ZNG1A: variants seen among roughly 807,000 people sequenced by gnomAD.
ZNG1A encodes the protein Zn regulated GTPase metalloprotein activator 1A, also known as zinc-regulated GTPase metalloprotein activator 1A.
chr9:157,701 A>G, the ZNG1A span, among the ~76,000 whole-genome samples: 1 of 149,218 alleles, frequency 6.7e-6, no homozygotes, highest in East Asian at 1.9e-4. Context: ...ACATAATTTT[A>G]AAGTCTTTGT....
the ZNG1A span, among the ~76,000 whole-genome samples, chr9:145,701 T>A: frequency 1.3e-5 from 2 of 150,244 alleles, no homozygotes; most frequent in East Asian, 3.9e-4. Context: ...AGTATAATAA[T>A]AAATAAATAA....
chr9:155,453 T>C, the ZNG1A span, among the ~76,000 whole-genome samples: 1 of 152,094 alleles, frequency 6.6e-6, no homozygotes, highest in Non-Finnish European at 1.5e-5. Flanking sequence ...TCAGAAGATA[T>C]ATCAGGATAT....
chr9:150,055 C>G, the ZNG1A span: 1 of 140,626 alleles, frequency 7.1e-6, no homozygotes, highest in African/African-American at 2.6e-5. Context: ...AAATTTTAAA[C>G]AAAAAATAAA....
the ZNG1A span, among the ~76,000 whole-genome samples, chr9:130,379 T>C: frequency 3.9e-3 from 523 of 133,642 alleles, 6 homozygotes; most frequent in Non-Finnish European, 5.6e-3. Flanking sequence ...TGGAAAACTA[T>C]ATTGAGAATG....
At chr9:158,858 A>T in the ZNG1A span, among the ~76,000 whole-genome samples, 1 of 152,108 alleles carries the variant, frequency 6.6e-6, no homozygotes, top group African/African-American at 2.4e-5. Flanking sequence ...ATAAGTGCAT[A>T]TTAACATTTA....
chr9:143,494 A>G, the ZNG1A span, among the ~76,000 whole-genome samples: 2 of 110,532 alleles, frequency 1.8e-5, 1 homozygote, highest in Non-Finnish European at 3.5e-5. Flanking sequence ...AAATTCAACA[A>G]CCCTTCATGC....
chr9:141,761 G>A, the ZNG1A span, among the ~76,000 whole-genome samples: 4 of 152,040 alleles, frequency 2.6e-5, no homozygotes, highest in African/African-American at 9.6e-5. Flanking sequence ...TGGATAAAGA[G>A]TCAAGACCCA....
the ZNG1A span, among the ~76,000 whole-genome samples, chr9:170,555 T>C: frequency 6.6e-6 from 1 of 150,382 alleles, no homozygotes; most frequent in African/African-American, 2.5e-5. Context: ...CTGGCTAGTT[T>C]TTGAATTTTC....
chr9:174,567 G>T, the ZNG1A span, among the ~76,000 whole-genome samples: 2 of 151,666 alleles, frequency 1.3e-5, no homozygotes, highest in Non-Finnish European at 2.9e-5. Flanking sequence ...TATTTAATAA[G>T]ATGATGAAAA....
chr9:124,906 G>T, the ZNG1A span, among the ~76,000 whole-genome samples: 2 of 151,214 alleles, frequency 1.3e-5, no homozygotes, highest in Non-Finnish European at 3.0e-5. Flanking sequence ...TATGGCTGAG[G>T]AGTATTCCAT....
chr9:156,472 T>C, the ZNG1A span: 47 of 1,590,568 alleles, frequency 3.0e-5, no homozygotes, highest in South Asian at 1.0e-4. Flanking sequence ...ATACTTTAAA[T>C]ATGAATACCT....
At chr9:135,117 G>A in the ZNG1A span, 12 of 1,325,166 alleles carry the variant, frequency 9.1e-6, no homozygotes, top group East Asian at 2.8e-4. Context: ...ATAATGAAGT[G>A]ACTTTCCATA....
the ZNG1A span, among the ~76,000 whole-genome samples, chr9:155,141 T>C: frequency 0.055 from 8,360 of 151,472 alleles, 297 homozygotes; most frequent in African/African-American, 0.099. Context: ...CTCATAATTT[T>C]CTTTGTGAAG....
At chr9:177,389 T>A in the ZNG1A span, among the ~76,000 whole-genome samples, 2 of 151,708 alleles carry the variant, frequency 1.3e-5, no homozygotes, top group Admixed American at 1.3e-4. Context: ...TTCCAAATGG[T>A]TGGGATCACA....
At chr9:136,359 A>G in the ZNG1A span, among the ~76,000 whole-genome samples, 1 of 25,222 alleles carries the variant, frequency 4.0e-5, no homozygotes, top group Non-Finnish European at 8.1e-5. Flanking sequence ...CAAACAGTTT[A>G]GTGTTTTGTA....
At chr9:165,025 A>G in the ZNG1A span, among the ~76,000 whole-genome samples, 3 of 152,228 alleles carry the variant, frequency 2.0e-5, no homozygotes, top group South Asian at 6.2e-4. Flanking sequence ...TGACTCAAAT[A>G]GGATTTGTGA....
the ZNG1A span, chr9:149,113 C>T: frequency 6.6e-6 from 1 of 150,602 alleles, no homozygotes; most frequent in African/African-American, 2.5e-5. Flanking sequence ...ATCACATTTT[C>T]CAAACCTGCT....
At chr9:140,003 G>A in the ZNG1A span, among the ~76,000 whole-genome samples, 2 of 150,590 alleles carry the variant, frequency 1.3e-5, no homozygotes, top group African/African-American at 2.5e-5. Context: ...ACCTGGCTCG[G>A]AGGGTCCCAC....
At chr9:150,567 A>G in the ZNG1A span, 1 of 983,330 alleles carries the variant, frequency 1.0e-6, no homozygotes, top group South Asian at 4.7e-5. Flanking sequence ...TTCTAATGCA[A>G]CTTCAGTCCT....
Sources: allele counts gnomAD v4.1 joint callset (sites outside exome capture counted in the v4.1 genomes callset), GRCh38; gene constraint gnomAD v4.1.1; transcripts MANE v1.5; gene names NCBI Gene and HGNC (gene_info 2026-07-23, HGNC 2026-07-21).